The following DMXL2 variants were observed in gnomAD, a reference collection of about 807,000 sequenced individuals.
DMXL2 encodes dmX-like protein 2.
In DMXL2, 103 loss-of-function variants were observed where a neutral mutation model predicts 331.1. The observed-to-expected ratio is 0.31, with a 90% CI of 0.27 to 0.37. The LOEUF (loss-of-function observed/expected upper bound fraction) is 0.37. Ranked by LOEUF, DMXL2 falls within the 10% of genes least tolerant of loss-of-function variation. The pLI, the probability that DMXL2 is intolerant of heterozygous loss-of-function variation, is 1.00. For synonymous variants in DMXL2, 1,281 were observed against 1,252.1 expected, an observed-to-expected ratio of 1.02 and a Z score of -0.49; for missense variants, 3,171 against 3,642.9, an observed-to-expected ratio of 0.87 and a Z score of 3.33.
At chr15:51,478,591 C>T (rs747727469) in intron 25 of DMXL2, among the ~76,000 whole-genome samples, 2 of 151,906 alleles carry the variant, frequency 1.3e-5, no homozygotes, top group South Asian at 2.1e-4. Flanking sequence ...GTGAGCCTGC[C>T]GTTTACGAGG....
chr15:51,476,125 G>A (rs1477160225), intron 27 of DMXL2, among the ~76,000 whole-genome samples: 1 of 152,104 alleles, frequency 6.6e-6, no homozygotes, highest in Non-Finnish European at 1.5e-5. Flanking sequence ...AACTGATGTA[G>A]AGAATGAGAA....
intron 1 of DMXL2, among the ~76,000 whole-genome samples, chr15:51,602,452 G>T (rs368294687): frequency 7.2e-5 from 11 of 152,072 alleles, no homozygotes; most frequent in African/African-American, 2.4e-4. Context: ...TTTCTCTACA[G>T]GTACTTTGGC....
Position 51,448,835 on chromosome 15 carries a change from C to CTGT in DMXL2, c.*146_*148dup. On this transcript the variant is annotated 3_prime_UTR_variant, in exon 44 of 44. Coordinates refer to ENST00000560891, the MANE Select transcript of DMXL2 (RefSeq NM_001378457.1). ...GTACATGCGCATTCATTCCACCAACCTGTTTAGATAATACTCAGCTTGGGT... is the reference window on the plus strand; with the variant it reads ...GTACATGCGCATTCATTCCACCAACCTGTTGTTTAGATAATACTCAGCTTGGGT... The CTGT allele has an allele frequency of 1.3e-6, 1 of 762,336 alleles. No homozygotes were observed. The highest frequency in any genetic ancestry group is 2.7e-5 in the Admixed American group (1 of 36,518). 47.2% of individuals were successfully genotyped at this position (762,336 alleles called of 1,614,324 possible). A position where few individuals can be genotyped will look rare whatever the true frequency, so the allele number is the denominator to read the frequency against.
At chr15:51,510,253 G>C in intron 15 of DMXL2, among the ~76,000 whole-genome samples, 1 of 152,218 alleles carries the variant, frequency 6.6e-6, no homozygotes, top group Non-Finnish European at 1.5e-5. Flanking sequence ...AATAGGAAGA[G>C]AGGAAGTCAA....
At chr15:51,489,565 G>C (rs757572656) in intron 20 of DMXL2, among the ~76,000 whole-genome samples, 4 of 151,708 alleles carry the variant, frequency 2.6e-5, no homozygotes, top group Admixed American at 6.6e-5. Flanking sequence ...CTGGTTGGGA[G>C]AATTGCTTCA....
chr15:51,460,415 G>C (rs2140244248), intron 33 of DMXL2: 1 of 974,548 alleles, frequency 1.0e-6, no homozygotes, highest in South Asian at 4.7e-5. Context: ...CCAAGGAATG[G>C]TCAATGTGTG....
intron 42 of DMXL2, among the ~76,000 whole-genome samples, chr15:51,451,327 T>C (rs2039117095): frequency 6.6e-6 from 1 of 152,196 alleles, no homozygotes; most frequent in African/African-American, 2.4e-5. Flanking sequence ...AATATGTTAT[T>C]TTCTATTAAG....
intron 13 of DMXL2, among the ~76,000 whole-genome samples, chr15:51,517,541 A>G (rs2047105268): frequency 6.6e-6 from 1 of 152,246 alleles, no homozygotes; most frequent in Non-Finnish European, 1.5e-5. Flanking sequence ...AGGGTTGAGA[A>G]GAAGTGGGAC....
intron 22 of DMXL2, 26 bp from the exon 23 acceptor site, chr15:51,486,363 T>A (rs760537412): frequency 1.4e-6 from 2 of 1,458,228 alleles, no homozygotes; most frequent in Non-Finnish European, 1.9e-6. Context: ...TTAATACTTA[T>A]CTTACTTAAT....
chr15:51,606,784 C>A (rs1432112013), intron 1 of DMXL2, among the ~76,000 whole-genome samples: 1 of 152,156 alleles, frequency 6.6e-6, no homozygotes, highest in African/African-American at 2.4e-5. Context: ...GCTTTAACAG[C>A]AAATTAGACA....
chr15:51,545,851 A>G, intron 7 of DMXL2, 85 bp from the exon 8 acceptor site: 3 of 1,146,642 alleles, frequency 2.6e-6, no homozygotes, highest in Non-Finnish European at 3.7e-6. Flanking sequence ...ATGCATAAAG[A>G]TAACATTAGT....
chr15:51,565,363 A>G (rs1229373884), intron 3 of DMXL2, among the ~76,000 whole-genome samples, 197 bp from the exon 4 acceptor site: 2 of 152,162 alleles, frequency 1.3e-5, no homozygotes, highest in African/African-American at 4.8e-5. Flanking sequence ...TTATTATACC[A>G]TATTGAGCTC....
At chr15:51,589,807 A>T (rs1334138012) in intron 1 of DMXL2, among the ~76,000 whole-genome samples, 1 of 152,358 alleles carries the variant, frequency 6.6e-6, no homozygotes, top group East Asian at 1.9e-4. Flanking sequence ...AAGAGACTAT[A>T]AAGAGAATTA....
At chr15:51,487,846 T>C (rs1254209726) in intron 22 of DMXL2, 108 bp downstream of exon 22, 1 of 924,236 alleles carries the variant, frequency 1.1e-6, no homozygotes, top group Non-Finnish European at 1.5e-6. Flanking sequence ...CCTCTGTAGT[T>C]ATTCTGTGTC....
intron 6 of DMXL2, among the ~76,000 whole-genome samples, 181 bp from the exon 7 acceptor site, chr15:51,547,589 AAC>A (rs764462638): frequency 6.6e-6 from 1 of 152,168 alleles, no homozygotes. Context: ...AAAATAAATG[AAC>A]AGTCTATTCA....
intron 1 of DMXL2, among the ~76,000 whole-genome samples, chr15:51,606,690 C>G (rs1038138302): frequency 6.6e-6 from 1 of 152,110 alleles, no homozygotes; most frequent in Non-Finnish European, 1.5e-5. Flanking sequence ...TTCAAATACA[C>G]AAAGTCAACA....
In DMXL2 at chr15:51,500,236, A is replaced by C; in HGVS notation, c.2993-5T>G. 1 of 1,575,474 alleles carries C rather than the reference A, an allele frequency of 6.3e-7. No individual in the cohort carries two copies. The highest frequency in any genetic ancestry group is 8.6e-7 in the Non-Finnish European group (1 of 1,165,578). On this transcript the variant is annotated splice_polypyrimidine_tract_variant and splice_region_variant and intron_variant, in intron 17 of 43. Coordinates refer to ENST00000560891, the MANE Select transcript of DMXL2 (RefSeq NM_001378457.1). ...TTGAAGAAGAACTCAGATGGCCTTA[A>C]AAAAGAAAAAGCAAATAGTTAGTTG...
intron 2 of DMXL2, among the ~76,000 whole-genome samples, chr15:51,570,352 A>G (rs961431539): frequency 4.5e-4 from 68 of 152,362 alleles, no homozygotes; most frequent in African/African-American, 1.5e-3. Flanking sequence ...GAATGGAACC[A>G]AGTTGGAAAA....
chr15:51,576,367 T>A (rs1319186876), intron 1 of DMXL2, among the ~76,000 whole-genome samples, 186 bp from the exon 2 acceptor site: 1 of 152,052 alleles, frequency 6.6e-6, no homozygotes, highest in East Asian at 1.9e-4. Context: ...AAAAATAAAC[T>A]GATGACACTC....
Sources: gnomAD v4.1 joint callset for allele counts (sites outside exome capture counted in the v4.1 genomes callset) on GRCh38, gnomAD v4.1.1 for gene constraint, MANE v1.5 for transcripts, NCBI Gene and HGNC (gene_info 2026-07-23, HGNC 2026-07-21) for gene names.